The following EMC10 variants were observed in gnomAD, a reference collection of about 807,000 sequenced individuals.
EMC10 encodes ER membrane protein complex subunit 10, also known as UPF0510 protein INM02.
A neutral mutation model predicts 32.2 loss-of-function variants in EMC10; 40 were observed. The ratio of observed to expected loss-of-function variants is 1.24; its 90% CI spans 0.96 to 1.61. The LOEUF (loss-of-function observed/expected upper bound fraction) is 1.61. Among genes scored for constraint, EMC10 ranks in the 40% most tolerant of loss-of-function variants. The probability of loss-of-function intolerance (pLI) is 0.00; values close to 1 mark genes in which losing one functional copy is unlikely to be tolerated. For synonymous variants in EMC10, 178 were observed against 158.4 expected (o/e 1.12, Z -0.93); for missense variants, 402 against 357.7 (o/e 1.12, Z -1.00).
intron 3 of EMC10, among the ~76,000 whole-genome samples, 162 bp downstream of exon 3, chr19:50,479,228 G>C (rs1766354160): frequency 6.6e-6 from 1 of 152,200 alleles, no homozygotes; most frequent in Non-Finnish European, 1.5e-5. Context: ...ACTGCCCCTG[G>C]AGGAACGGCA....
rs1369923839 is a variant in EMC10 at position 50,483,260 on chromosome 19, C to T, written c.*1001C>T. 5.2e-6 allele frequency: 2 copies of T among 388,182 alleles called. No individual in the cohort carries two copies. Among genetic ancestry groups the T allele is most frequent in the East Asian group, 7.4e-5 (1 of 13,458 alleles). 24.0% of individuals were successfully genotyped at this position (388,182 alleles called of 1,614,324 possible). The stretch of plus-strand genomic sequence containing the variant: ...TCACTTGATACGTTATTCAGAAACC[C>T]AAGGAATGGCTGTCCCCATCCTCAT... On this transcript the variant is annotated 3_prime_UTR_variant, in exon 7 of 7. Transcript: ENST00000334976.
In EMC10 at chr19:50,476,647, G is replaced by T; in HGVS notation, c.103G>T (p.Gly35Cys). 6.5e-7 allele frequency: 1 copy of T among 1,533,114 alleles called. No homozygotes were observed. The highest frequency in any genetic ancestry group is 2.3e-4 in the Middle Eastern group (1 of 4,288). 95.0% of individuals were successfully genotyped at this position (1,533,114 alleles called of 1,614,324 possible). Reference sequence around the variant, plus strand: ...GGGCAGCGGCTGCCGGGCCGGGACTGGTGCGCGAGGGGTGAGTGCTCTTTA... The same window carrying T: ...GGGCAGCGGCTGCCGGGCCGGGACTTGTGCGCGAGGGGTGAGTGCTCTTTA... ...ARGSGCRAGT[G>C]ARGAGAEGRE... The change falls in exon 1 of 7, where the codon GGT (glycine) becomes TGT (cysteine). Residue 35 changes from glycine (G) to cysteine (C), a missense_variant. Transcript: ENST00000334976.
chr19:50,479,164 A>T, intron 3 of EMC10, 98 bp downstream of exon 3: 1 of 952,872 alleles, frequency 1.0e-6, no homozygotes, highest in Non-Finnish European at 1.6e-6. Context: ...CCTTCCCTCC[A>T]GGCCCAGGTG....
chr19:50,490,840 TTAATAA>T lies in EMC10; in HGVS notation c.*8591_*8596del, dbSNP rs1051750479. The T allele has an allele frequency of 5.3e-5, 8 of 152,114 alleles. No homozygotes were observed. The highest frequency in any genetic ancestry group is 2.1e-4 in the South Asian group (1 of 4,820). 9.4% of individuals were successfully genotyped at this position (152,114 alleles called of 1,614,324 possible). On this transcript the variant is annotated 3_prime_UTR_variant, in exon 7 of 7. Transcript: ENST00000334976. ...GTACGAAACGCCTGTGCTCACTATG[TTAATAA>T]TAATAATAAAAGGCAAAAAACCAGG...
In EMC10 at chr19:50,480,643, C is replaced by G; in HGVS notation, c.465C>G (p.Asn155Lys). Residue 155 changes from asparagine to lysine, a missense_variant, in exon 5 of 7, where the codon AAC becomes AAG. Asn to Lys is a moderately conservative substitution (Grantham distance 94, BLOSUM62 0). Transcript: ENST00000334976. This position sits in a 1 kb window ranked among gnomAD's most constrained non-coding sequence, Gnocchi z 4.4. ...CCCTGCACGTGGATGTGGCCGGCAA[C>G]GTGGTGGGCGTGTCGGTGGTGACGC... The part of the protein sequence containing the change: ...QLTLHVDVAG[N>K]VVGVSVVTHP... 1.3e-6 allele frequency: 2 copies of G among 1,587,470 alleles called. No individual in the cohort carries two copies. Among genetic ancestry groups the G allele is most frequent in the Non-Finnish European group, 1.7e-6 (2 of 1,167,458 alleles).
intron 2 of EMC10, among the ~76,000 whole-genome samples, chr19:50,478,629 GA>G (rs1366158865): frequency 1.3e-5 from 2 of 152,178 alleles, no homozygotes; most frequent in African/African-American, 2.4e-5. Context: ...AGGTAGTTGG[GA>G]ATTCCTGAAC....
Position 50,486,137 on chromosome 19 carries a change from A to T in EMC10, c.*3878A>T, listed in dbSNP as rs767373405. 3 of 152,158 alleles carry T rather than the reference A, an allele frequency of 2.0e-5. No individual in the cohort carries two copies. The highest frequency in any genetic ancestry group is 4.4e-5 in the Non-Finnish European group (3 of 68,024). 9.4% of individuals were successfully genotyped at this position (152,158 alleles called of 1,614,324 possible). On this transcript the variant is annotated 3_prime_UTR_variant, in exon 7 of 7. Transcript: ENST00000334976. ...CATTTAGTATTTTGTAAAATTCTTT[A>T]CTAACCCCAAATTGTCTACTGGAAA...
intron 2 of EMC10, among the ~76,000 whole-genome samples, chr19:50,478,681 CAGAG>C (rs2040269242): frequency 6.6e-6 from 1 of 152,258 alleles, no homozygotes; most frequent in South Asian, 2.1e-4. Context: ...AGCTGAGGCT[CAGAG>C]AGGTTGTGTG....
chr19:50,481,752 G>T, intron 6 of EMC10: 1 of 915,938 alleles, frequency 1.1e-6, no homozygotes, highest in Non-Finnish European at 1.6e-6. Context: ...CTGAGCCCTT[G>T]CCTGCTGGGC....
chr19:50,476,930 T>G (rs1342368181), intron 1 of EMC10: 2 of 358,918 alleles, frequency 5.6e-6, no homozygotes, highest in African/African-American at 2.1e-5. Flanking sequence ...TGTGGAATCT[T>G]GGAGAATCCG....
At position 50,480,671 on chromosome 19, in the gene EMC10, C is replaced by T. The variant is rs775910813; in HGVS notation, c.493C>T (p.Pro165Ser). The T allele has an allele frequency of 2.5e-6, 4 of 1,600,220 alleles. No homozygotes were observed. The highest frequency in any genetic ancestry group is 3.4e-6 in the Non-Finnish European group (4 of 1,174,394). ...GGTGGGCGTGTCGGTGGTGACGCAC[C>T]CCGGGGGCTGCCGGGGCCATGAGGT... ...NVVGVSVVTH[P>S]GGCRGHEVED... Residue 165 changes from proline to serine, a missense_variant, in exon 5 of 7, where the codon CCC (proline) becomes TCC (serine). By Grantham distance (74) the Pro-to-Ser change is moderately conservative (BLOSUM62 -1). Coordinates refer to ENST00000334976, the MANE Select transcript of EMC10 (RefSeq NM_206538.4). The surrounding 1 kb of genome is among the most constrained non-coding windows in gnomAD (Gnocchi z 4.4).
At position 50,488,562 on chromosome 19, in the gene EMC10, G is replaced by T. The variant is rs1199364052; in HGVS notation, c.*6303G>T. ...GGGAGAAGTGGGTGGGGGAGAGGGT[G>T]TTGGGGGAGAAGAGGGTGGGGGAGA... On this transcript the variant is annotated 3_prime_UTR_variant, in exon 7 of 7. Coordinates refer to ENST00000334976, the MANE Select transcript of EMC10 (RefSeq NM_206538.4). 7.5e-6 allele frequency: 1 copy of T among 133,660 alleles called. No homozygotes were observed. Among genetic ancestry groups the T allele is most frequent in the Non-Finnish European group, 1.6e-5 (1 of 62,530 alleles). The allele number at this position is 133,660 out of a possible 1,614,324, so 8.3% of individuals were successfully genotyped here.
Position 50,480,140 on chromosome 19 carries a change from G to T in EMC10, c.327G>T (p.Arg109=), listed in dbSNP as rs1160662232. 8 of 1,613,058 alleles carry T rather than the reference G, an allele frequency of 5.0e-6. No homozygotes were observed. The highest frequency in any genetic ancestry group is 1.7e-5 in the Admixed American group (1 of 59,880). The change falls in exon 4 of 7, where the codon CGG becomes CGT. Residue 109 remains arginine, a synonymous_variant. Transcript: ENST00000334976. This position sits in a 1 kb window ranked among gnomAD's most constrained non-coding sequence, Gnocchi z 4.4. ...RDVAALNGLY[R]VRIPRRPGAL... ...TGGCAGCCCTGAATGGCCTGTACCG[G>T]GTCCGGATCCCAAGGCGACCCGGGG...
chr19:50,476,704 C>G, intron 1 of EMC10, 46 bp downstream of exon 1: 4 of 1,258,900 alleles, frequency 3.2e-6, no homozygotes, highest in Non-Finnish European at 3.2e-6. Context: ...CTACGGATGT[C>G]GCAGGTCTTG....
Position 50,476,543 on chromosome 19 carries a change from A to G in EMC10, c.-2A>G. 1 of 1,572,014 alleles carries G rather than the reference A, an allele frequency of 6.4e-7. No individual in the cohort carries two copies. Among genetic ancestry groups the G allele is most frequent in the Non-Finnish European group, 8.6e-7 (1 of 1,164,492 alleles). On this transcript the variant is annotated 5_prime_UTR_variant, in exon 1 of 7. Transcript: ENST00000334976. ...TCCCTTCGCTGGTGGGAAGAAGCCG[A>G]GATGGCGGCAGCCAGCGCTGGGGCA...
intron 1 of EMC10, among the ~76,000 whole-genome samples, 190 bp from the exon 2 acceptor site, chr19:50,477,739 T>C (rs1020897029): frequency 6.6e-6 from 1 of 151,842 alleles, no homozygotes; most frequent in African/African-American, 2.4e-5. Flanking sequence ...TTTCTGGGGG[T>C]GAGGGAGTGC....
rs1217880081 is a variant in EMC10, at chr19:50,480,495, G to A, written c.403-86G>A. The A allele has an allele frequency of 2.1e-6, 3 of 1,456,800 alleles. No individual in the cohort carries two copies. The highest frequency in any genetic ancestry group is 2.8e-6 in the Non-Finnish European group (3 of 1,082,288). 90.2% of individuals were successfully genotyped at this position (1,456,800 alleles called of 1,614,324 possible). ...TGGGAAGGTTTTGAAAAATGCTCCG[G>A]GGGTCCTGTGGTGGGGGCCGGGGGA... On this transcript the variant is annotated intron_variant, in intron 4 of 6. Coordinates refer to ENST00000334976, the MANE Select transcript of EMC10 (RefSeq NM_206538.4). The surrounding 1 kb of genome is among the most constrained non-coding windows in gnomAD (Gnocchi z 4.4).
At chr19:50,477,510 C>A in intron 1 of EMC10, among the ~76,000 whole-genome samples, 1 of 152,162 alleles carries the variant, frequency 6.6e-6, no homozygotes, top group East Asian at 1.9e-4. Context: ...AAAAGGAAAG[C>A]ATGAATCTTG....
chr19:50,480,252 G>A lies in EMC10; in HGVS notation c.402+37G>A, dbSNP rs371202396. 4.3e-5 allele frequency: 67 copies of A among 1,566,810 alleles called. No homozygotes were observed. Among genetic ancestry groups the A allele is most frequent in the African/African-American group, 2.7e-4 (20 of 74,358 alleles). ...TCGGGGATGAGCCCCCTTCTCCCTC[G>A]TCCTCCTCATCCCCTACCCTGGTCC... On this transcript the variant is annotated intron_variant, in intron 4 of 6. Coordinates refer to ENST00000334976, the MANE Select transcript of EMC10 (RefSeq NM_206538.4). This position sits in a 1 kb window ranked among gnomAD's most constrained non-coding sequence, Gnocchi z 4.4.
Sources: gnomAD v4.1 joint callset for allele counts (sites outside exome capture counted in the v4.1 genomes callset) on GRCh38, gnomAD v4.1.1 for gene constraint, Gnocchi (gnomAD v3.1) non-coding constraint, MANE v1.5 for transcripts, NCBI Gene and HGNC (gene_info 2026-07-23, HGNC 2026-07-21) for gene names.